Variants in SPP2 observed in about 807,000 individuals in gnomAD.
SPP2 encodes secreted phosphoprotein 2.
SPP2 carries 34 observed loss-of-function variants against 28.8 expected under a neutral mutation model. That is an observed-to-expected ratio of 1.18 (90% confidence interval 0.90 to 1.57). The LOEUF is 1.57. Among genes scored for constraint, SPP2 ranks in the 40% most tolerant of loss-of-function variants. The pLI is 0.00. For synonymous variants in SPP2, 96 were observed against 89.4 expected, an observed-to-expected ratio of 1.07 and a Z score of -0.42; for missense variants, 269 against 263.9, an observed-to-expected ratio of 1.02 and a Z score of -0.13.
rs751959505 is a variant in SPP2 at position 234,050,884 on chromosome 2, C to A, written c.85+13C>A. ...TGGTCTTGCTCAGGTAAGGTATTCA[C>A]CAACCTGGCCACCTGCTCTGGATCA... is the stretch of plus-strand genomic sequence containing the variant. On this transcript the variant is annotated intron_variant, in intron 1 of 7. Coordinates refer to ENST00000168148, the MANE Select transcript of SPP2 (RefSeq NM_006944.3). The A allele has an allele frequency of 6.8e-6, 11 of 1,613,914 alleles. No homozygotes were observed. The highest frequency in any genetic ancestry group is 1.3e-5 in the African/African-American group (1 of 74,918).
chr2:234,062,672 T>C (rs958084338), intron 4 of SPP2, among the ~76,000 whole-genome samples: 5 of 152,078 alleles, frequency 3.3e-5, no homozygotes, highest in African/African-American at 1.2e-4. Context: ...TGAGAGAGAA[T>C]GCTAACTGGG....
intron 2 of SPP2, among the ~76,000 whole-genome samples, chr2:234,057,535 A>G (rs1467488222): frequency 6.6e-6 from 1 of 152,190 alleles, no homozygotes; most frequent in Non-Finnish European, 1.5e-5. Flanking sequence ...TGATAGCCCC[A>G]TAACTATCTG....
intron 4 of SPP2, 133 bp from the exon 5 acceptor site, chr2:234,066,400 G>T: frequency 1.4e-6 from 1 of 720,536 alleles, no homozygotes. Flanking sequence ...TTAATATAAC[G>T]TATTGCCTAT....
At chr2:234,059,550 A>G (rs28903702) in intron 3 of SPP2, among the ~76,000 whole-genome samples, 19,668 of 152,100 alleles carry the variant, frequency 0.13, 3,054 homozygotes, top group African/African-American at 0.37. Flanking sequence ...ACAAACAAAC[A>G]AACAAACAAA....
intron 2 of SPP2, 135 bp downstream of exon 2, chr2:234,051,230 CTT>C: frequency 8.2e-7 from 1 of 1,220,028 alleles, no homozygotes; most frequent in Non-Finnish European, 1.1e-6. Context: ...CATACTGTCT[CTT>C]TTCTTTGACA....
chr2:234,056,917 A>C (rs1331105008), intron 2 of SPP2, among the ~76,000 whole-genome samples: 1 of 151,990 alleles, frequency 6.6e-6, no homozygotes, highest in East Asian at 1.9e-4. Flanking sequence ...TTTCCAAAAC[A>C]AAATGTTCTG....
Position 234,061,772 on chromosome 2 carries a change from CAG to C in SPP2, c.444+1294_444+1295del, listed in dbSNP as rs1693723721. Reference sequence around the variant, plus strand: ...TTATTGGTACAAAGAGAACTTAACACAGTTTATTAGGACTTTCTCCACAAAAA... The same window carrying C: ...TTATTGGTACAAAGAGAACTTAACACTTTATTAGGACTTTCTCCACAAAAA... On this transcript the variant is annotated intron_variant, in intron 4 of 7. Coordinates refer to ENST00000168148, the MANE Select transcript of SPP2 (RefSeq NM_006944.3). Among the ~76,000 whole-genome samples the C allele has an allele frequency of 2.6e-5, 4 of 152,274 alleles. No individual in the cohort carries two copies. In the South Asian group the frequency reaches 8.3e-4, roughly 32 times the overall value.
At chr2:234,074,904 G>A (rs1282290985) in intron 7 of SPP2, among the ~76,000 whole-genome samples, 2 of 150,186 alleles carry the variant, frequency 1.3e-5, no homozygotes, top group Non-Finnish European at 2.9e-5. Context: ...TCTCTGTAAG[G>A]CACATCACAG....
chr2:234,053,297 A>G (rs996029095), intron 2 of SPP2, among the ~76,000 whole-genome samples: 1 of 152,198 alleles, frequency 6.6e-6, no homozygotes, highest in African/African-American at 2.4e-5. Context: ...TAAATATTTA[A>G]AACTTTCAAT....
rs780835139 is a variant in SPP2, at chr2:234,069,992, A to G, written c.615A>G (p.Arg205=). 2 of 1,613,618 alleles carry G rather than the reference A, an allele frequency of 1.2e-6. No homozygotes were observed. Among genetic ancestry groups the G allele is most frequent in the Middle Eastern group, 1.7e-4 (1 of 6,054 alleles). ...RRYPNHRHRA[R]INTDFE Reference sequence around the variant, plus strand: ...ACCCAAACCACCGGCACAGAGCAAGAATAAATACTGACTTTGAGTAACGGC... The same window carrying G: ...ACCCAAACCACCGGCACAGAGCAAGGATAAATACTGACTTTGAGTAACGGC... The change falls in exon 7 of 8, where the codon AGA becomes AGG. Residue 205 remains arginine, a synonymous_variant. Transcript: ENST00000168148.
At chr2:234,051,879 C>T (rs1257136226) in intron 2 of SPP2, among the ~76,000 whole-genome samples, 2 of 152,126 alleles carry the variant, frequency 1.3e-5, no homozygotes, top group African/African-American at 2.4e-5. Context: ...GCAGCAGAGG[C>T]CAGATGGACA....
chr2:234,070,645 A>G (rs1690746971), intron 7 of SPP2, among the ~76,000 whole-genome samples: 1 of 152,050 alleles, frequency 6.6e-6, no homozygotes, highest in Non-Finnish European at 1.5e-5. Flanking sequence ...TATTTTTAGT[A>G]GAGATAGCGT....
intron 2 of SPP2, among the ~76,000 whole-genome samples, chr2:234,052,596 C>T (rs10208022): frequency 0.023 from 3,554 of 152,244 alleles, 79 homozygotes; most frequent in East Asian, 0.087. Context: ...TGAGCCCAGA[C>T]GCACATGCAC....
At chr2:234,069,811 G>T (rs895258620) in intron 6 of SPP2, 117 bp from the exon 7 acceptor site, 9 of 758,070 alleles carry the variant, frequency 1.2e-5, no homozygotes, top group Non-Finnish European at 2.1e-5. Context: ...TCTCATGGCA[G>T]ATGGGTTCAG....
chr2:234,053,441 T>C (rs10171587), intron 2 of SPP2, among the ~76,000 whole-genome samples: 51,839 of 151,878 alleles, frequency 0.34, 9,143 homozygotes, highest in South Asian at 0.5. Flanking sequence ...GCTTACCAAG[T>C]GCAGTGATTC....
intron 4 of SPP2, among the ~76,000 whole-genome samples, chr2:234,063,474 C>A (rs1003155498): frequency 1.3e-5 from 2 of 152,134 alleles, no homozygotes; most frequent in Admixed American, 1.3e-4. Flanking sequence ...TTTGGACTTT[C>A]CATGACATAA....
chr2:234,052,952 C>T (rs1693529072), intron 2 of SPP2, among the ~76,000 whole-genome samples: 1 of 152,170 alleles, frequency 6.6e-6, no homozygotes, highest in Non-Finnish European at 1.5e-5. Context: ...CCAATTCTCT[C>T]TACCCTAGCA....
intron 4 of SPP2, among the ~76,000 whole-genome samples, chr2:234,063,974 C>G (rs1379488478): frequency 1.3e-5 from 2 of 152,148 alleles, no homozygotes; most frequent in Admixed American, 1.3e-4. Context: ...TAGAAGTAGT[C>G]TAAGCCAAAA....
intron 2 of SPP2, among the ~76,000 whole-genome samples, chr2:234,056,625 A>G (rs1693612402): frequency 6.6e-6 from 1 of 152,126 alleles, no homozygotes. Flanking sequence ...CTTCCATCAA[A>G]TTGCTTTTAG....
Sources: gnomAD v4.1 joint callset for allele counts (sites outside exome capture counted in the v4.1 genomes callset) on GRCh38, gnomAD v4.1.1 for gene constraint, MANE v1.5 for transcripts, NCBI Gene and HGNC (gene_info 2026-07-23, HGNC 2026-07-21) for gene names.